The following LPCAT1 variants were observed in gnomAD, a reference collection of about 807,000 sequenced individuals.
LPCAT1 encodes the protein lysophosphatidylcholine acyltransferase 1.
LPCAT1 carries 23 observed loss-of-function variants against 60.9 expected under a neutral mutation model. The ratio of observed to expected loss-of-function variants is 0.38; its 90% CI spans 0.27 to 0.53. The LOEUF (loss-of-function observed/expected upper bound fraction) is 0.53, where lower values mean the gene tolerates loss of function less well. Ranked by LOEUF, LPCAT1 falls within the 20% of genes least tolerant of loss-of-function variation. The pLI is 0.82. For missense variants in LPCAT1, 622 were observed against 723.6 expected, an observed-to-expected ratio of 0.86 and a Z score of 1.61; for synonymous variants, 340 against 301.1, an observed-to-expected ratio of 1.13 and a Z score of -1.34.
Position 1,477,518 on chromosome 5 carries a change from CA to C in LPCAT1, c.817-33del. ...ACACAGAGAAGCTGCGTTAGTATCA[CA>C]AGACGCTGACCTCAGCAACACCACT... On this transcript the variant is annotated intron_variant, in intron 8 of 13. Coordinates refer to ENST00000283415, the MANE Select transcript of LPCAT1 (RefSeq NM_024830.5). The surrounding 1 kb of genome is among the most constrained non-coding windows in gnomAD (Gnocchi z 6.0). 2 of 1,542,642 alleles carry C rather than the reference CA, an allele frequency of 1.3e-6. No individual in the cohort carries two copies. The highest frequency in any genetic ancestry group is 2.7e-5 in the African/African-American group (2 of 73,400).
Position 1,477,535 on chromosome 5 carries a change from C to T in LPCAT1, c.817-49G>A, listed in dbSNP as rs1378389796. On this transcript the variant is annotated intron_variant, in intron 8 of 13. Coordinates refer to ENST00000283415, the MANE Select transcript of LPCAT1 (RefSeq NM_024830.5). The surrounding 1 kb of genome is among the most constrained non-coding windows in gnomAD (Gnocchi z 6.0). ...TAGTATCACAAGACGCTGACCTCAG[C>T]AACACCACTGTAACGACAACTGGGA... 2 of 1,376,324 alleles carry T rather than the reference C, an allele frequency of 1.5e-6. No individual in the cohort carries two copies. Among genetic ancestry groups the T allele is most frequent in the Non-Finnish European group, 2.1e-6 (2 of 972,716 alleles). 85.3% of individuals were successfully genotyped at this position (1,376,324 alleles called of 1,614,324 possible). A position where few individuals can be genotyped will look rare whatever the true frequency, so the allele number is the denominator to read the frequency against.
intron 1 of LPCAT1, among the ~76,000 whole-genome samples, chr5:1,516,133 GA>G (rs1201878459): frequency 5.9e-5 from 9 of 152,364 alleles, no homozygotes; most frequent in Middle Eastern, 6.8e-3. Context: ...GGGGGAGGCA[GA>G]AATGACCTGA....
At chr5:1,510,144 G>A (rs1736311884) in intron 1 of LPCAT1, among the ~76,000 whole-genome samples, 2 of 151,910 alleles carry the variant, frequency 1.3e-5, no homozygotes, top group Admixed American at 1.3e-4. Context: ...AGATTTCAGT[G>A]AGGTCACACT....
intron 3 of LPCAT1, among the ~76,000 whole-genome samples, chr5:1,490,419 G>A (rs1443017031): frequency 6.6e-6 from 1 of 152,238 alleles, no homozygotes; most frequent in African/African-American, 2.4e-5. Context: ...GGGTCCCTAT[G>A]GGAAGAGGAG....
chr5:1,492,822 C>T lies in LPCAT1; in HGVS notation c.493+1878G>A, dbSNP rs1031065590. On this transcript the variant is annotated intron_variant, in intron 3 of 13. Coordinates refer to ENST00000283415, the MANE Select transcript of LPCAT1 (RefSeq NM_024830.5). ...AGGCACCAAGGGCACAGGGAGAGCC[C>T]GGCCAACGCTCAGATTCACTCTGGG... Among the ~76,000 whole-genome samples the T allele has an allele frequency of 1.6e-4, 24 of 152,300 alleles. 3 individuals carry two copies. The South Asian group carries it at 2.5e-3, about 16-fold the overall frequency.
chr5:1,474,756 C>CCG (rs2126503708), intron 9 of LPCAT1, 71 bp from the exon 10 acceptor site: 2 of 1,545,274 alleles, frequency 1.3e-6, no homozygotes, highest in South Asian at 2.4e-5. Context: ...ACCAGAATAA[C>CCG]CGCCGATGGC....
intron 5 of LPCAT1, among the ~76,000 whole-genome samples, chr5:1,484,425 A>G (rs112928563): frequency 5.3e-5 from 8 of 152,366 alleles, no homozygotes; most frequent in African/African-American, 1.9e-4. Context: ...AGGCATCAGA[A>G]GTACTCAAGT....
At chr5:1,488,252 T>A in intron 5 of LPCAT1, 139 bp downstream of exon 5, 1 of 532,322 alleles carries the variant, frequency 1.9e-6, no homozygotes, top group South Asian at 3.0e-5. Context: ...TGACTTTTCT[T>A]AGGAATACCT....
intron 1 of LPCAT1, among the ~76,000 whole-genome samples, chr5:1,503,453 A>C (rs1224443717): frequency 6.6e-6 from 1 of 152,218 alleles, no homozygotes; most frequent in African/African-American, 2.4e-5. Flanking sequence ...GCTGCACCCC[A>C]CTTGAAGCCA....
rs1251298633 is a variant in LPCAT1, at chr5:1,480,267, C to A, written c.762-592G>T. 4.3e-6 allele frequency: 4 copies of A among 935,416 alleles called. No homozygotes were observed. The highest frequency in any genetic ancestry group is 5.1e-6 in the Non-Finnish European group (4 of 785,152). 57.9% of individuals were successfully genotyped at this position (935,416 alleles called of 1,614,324 possible). A position where few individuals can be genotyped will look rare whatever the true frequency, so the allele number is the denominator to read the frequency against. The stretch of plus-strand genomic sequence containing the variant: ...TCCCAGCTCTGCTCCCAGCTGGGAG[C>A]CTCCACACGCCAGCCTGGGAAGCGC... On this transcript the variant is annotated intron_variant, in intron 7 of 13. Transcript: ENST00000283415. The surrounding 1 kb of genome is among the most constrained non-coding windows in gnomAD (Gnocchi z 6.4).
In LPCAT1 at chr5:1,476,404, G is replaced by C. The variant is rs1197005165; in HGVS notation, c.899+1000C>G. 2.6e-5 allele frequency among the ~76,000 whole-genome samples: 4 copies of C among 152,148 alleles called. No individual in the cohort carries two copies. The East Asian group carries it at 5.8e-4, about 22-fold the overall frequency. The stretch of plus-strand genomic sequence containing the variant: ...GGAGGGAGAGGATGGGAACGTGAGG[G>C]AACGGGCCGCCCAGCTGAATCTTCA... On this transcript the variant is annotated intron_variant, in intron 9 of 13. Transcript: ENST00000283415. The surrounding 1 kb of genome is among the most constrained non-coding windows in gnomAD (Gnocchi z 8.6).
chr5:1,520,731 C>G (rs938239619), intron 1 of LPCAT1, among the ~76,000 whole-genome samples: 3 of 151,352 alleles, frequency 2.0e-5, no homozygotes, highest in Non-Finnish European at 4.4e-5. Context: ...GGCATTGTGG[C>G]GGGCGCCTGT....
rs1219333716 is a variant in LPCAT1 at position 1,480,855 on chromosome 5, G to T, written c.761+87C>A. On this transcript the variant is annotated intron_variant, in intron 7 of 13. Transcript: ENST00000283415. This position sits in a 1 kb window ranked among gnomAD's most constrained non-coding sequence, Gnocchi z 6.4. Reference sequence around the variant, plus strand: ...CACACCTGCTTTCACAACTGCAAAAGTAACTAGCGTGCACAGCAGACCCCA... The same window carrying T: ...CACACCTGCTTTCACAACTGCAAAATTAACTAGCGTGCACAGCAGACCCCA... 2 of 1,506,732 alleles carry T rather than the reference G, an allele frequency of 1.3e-6. No homozygotes were observed. Among genetic ancestry groups the T allele is most frequent in the African/African-American group, 1.4e-5 (1 of 72,778 alleles). 93.3% of individuals were successfully genotyped at this position (1,506,732 alleles called of 1,614,324 possible).
chr5:1,501,597 G>A lies in LPCAT1; in HGVS notation c.142C>T (p.Leu48Phe). The change falls in exon 2 of 14, where the codon CTC becomes TTC. Residue 48 changes from leucine (L) to phenylalanine (F), a missense_variant. Around this residue, in one of 3 missense-constraint regions of LPCAT1, gnomAD observed 125 missense variants for 114.5 expected, o/e 1.09. Transcript: ENST00000283415. ...LSALQKAQVA[L>F]MTLTLFPVRL... ...ACCGGGAAGAGCGTCAGTGTCATGA[G>A]GGCCACCTGCAGACAGAGGGGGGCA... 5 of 1,613,488 alleles carry A rather than the reference G, an allele frequency of 3.1e-6. No homozygotes were observed. The highest frequency in any genetic ancestry group is 4.2e-6 in the Non-Finnish European group (5 of 1,179,758).
chr5:1,516,597 T>C (rs1047867603), intron 1 of LPCAT1, among the ~76,000 whole-genome samples: 2 of 152,048 alleles, frequency 1.3e-5, no homozygotes. Context: ...TTTTAAAACA[T>C]TTAGAACTGG....
At chr5:1,492,879 A>T (rs1735643565) in intron 3 of LPCAT1, among the ~76,000 whole-genome samples, 1 of 152,262 alleles carries the variant, frequency 6.6e-6, no homozygotes, top group Non-Finnish European at 1.5e-5. Context: ...GGACCCCTGC[A>T]GCTGCGAGGG....
chr5:1,465,577 G>A (rs1003686244), intron 13 of LPCAT1, among the ~76,000 whole-genome samples: 3 of 142,294 alleles, frequency 2.1e-5, no homozygotes, highest in African/African-American at 5.3e-5. Context: ...ACACACACAA[G>A]TGCACGCACA....
rs560109914 is a variant in LPCAT1, at chr5:1,495,040, G to C, written c.279-126C>G. ...TCCAGGCCACGGGCTTCCTGTGGTCGCCGCCGCTGGGACATCTGCTTGAGG... is the reference window on the plus strand; with the variant it reads ...TCCAGGCCACGGGCTTCCTGTGGTCCCCGCCGCTGGGACATCTGCTTGAGG... On this transcript the variant is annotated intron_variant, in intron 2 of 13. Coordinates refer to ENST00000283415, the MANE Select transcript of LPCAT1 (RefSeq NM_024830.5). The surrounding 1 kb of genome is among the most constrained non-coding windows in gnomAD (Gnocchi z 4.7). The C allele has an allele frequency of 1.2e-6, 1 of 813,432 alleles. No homozygotes were observed. The highest frequency in any genetic ancestry group is 3.7e-4 in the Middle Eastern group (1 of 2,728). 50.4% of individuals were successfully genotyped at this position (813,432 alleles called of 1,614,324 possible). A position where few individuals can be genotyped will look rare whatever the true frequency, so the allele number is the denominator to read the frequency against.
intron 1 of LPCAT1, among the ~76,000 whole-genome samples, chr5:1,506,295 T>C (rs984671568): frequency 6.6e-6 from 1 of 152,212 alleles, no homozygotes; most frequent in Non-Finnish European, 1.5e-5. Flanking sequence ...CACCCAGCTC[T>C]GGGCCTGTGC....
Sources: allele counts gnomAD v4.1 joint callset (sites outside exome capture counted in the v4.1 genomes callset), GRCh38; gene constraint gnomAD v4.1.1; regional missense constraint gnomAD v4.1.1; non-coding constraint Gnocchi (gnomAD v3.1); transcripts MANE v1.5; gene names NCBI Gene and HGNC (gene_info 2026-07-23, HGNC 2026-07-21).